Variants in SIMC1 observed in about 807,000 individuals in gnomAD.
SIMC1 encodes the protein SUMO-interacting motif-containing protein 1.
SIMC1 carries 55 observed loss-of-function variants against 82.3 expected under a neutral mutation model. That is an observed-to-expected ratio of 0.67 (90% confidence interval 0.54 to 0.84). The LOEUF (loss-of-function observed/expected upper bound fraction) is 0.84. Among genes scored for constraint, SIMC1 ranks in the 40% least tolerant of loss-of-function variants. The pLI, the probability that SIMC1 is intolerant of heterozygous loss-of-function variation, is 0.00. For synonymous variants in SIMC1, 353 were observed against 426.3 expected (o/e 0.83, Z 2.12); for missense variants, 915 against 1,107.2 (o/e 0.83, Z 2.46).
intron 1 of SIMC1, among the ~76,000 whole-genome samples, chr5:176,287,680 TAAAA>T (rs1239181320): frequency 7.1e-6 from 1 of 140,998 alleles, no homozygotes; most frequent in Non-Finnish European, 1.6e-5. Flanking sequence ...AGCAAACACT[TAAAA>T]AAATAAAATA....
At chr5:176,303,409 C>T (rs2113304102) in intron 4 of SIMC1, among the ~76,000 whole-genome samples, 1 of 146,680 alleles carries the variant, frequency 6.8e-6, no homozygotes, top group Admixed American at 7.0e-5. Context: ...CTCACTACAA[C>T]CTCCGCCTCC....
intron 1 of SIMC1, among the ~76,000 whole-genome samples, chr5:176,285,001 C>T (rs1297145756): frequency 6.6e-6 from 1 of 152,092 alleles, no homozygotes; most frequent in East Asian, 1.9e-4. Context: ...GACGGATTCA[C>T]AGCCAAATTC....
rs1450599326 is a variant in SIMC1 at position 176,289,506 on chromosome 5, C to T, written c.130-148C>T. On this transcript the variant is annotated intron_variant, in intron 1 of 9. Transcript: ENST00000429602. The stretch of plus-strand genomic sequence containing the variant: ...ATAGAAATTGACAGCTTTGGCAATA[C>T]TATTGCTTATGTTACACAAGATGTG... 3.1e-5 allele frequency: 20 copies of T among 636,466 alleles called. 1 individual carries two copies. The South Asian group carries it at 4.0e-4, about 13-fold the overall frequency. The allele number at this position is 636,466 out of a possible 1,614,324, so 39.4% of individuals were successfully genotyped here.
At chr5:176,296,477 A>C (rs1763822626) in intron 4 of SIMC1, 157 bp downstream of exon 4, 1 of 1,070,428 alleles carries the variant, frequency 9.3e-7, no homozygotes, top group Admixed American at 2.6e-5. Flanking sequence ...CAGCCTGGGC[A>C]ACAAAATGAG....
rs1295478983 is a variant in SIMC1 at position 176,343,775 on chromosome 5, TTTTTGTTTTTTTG to T, written c.2414-1398_2414-1386del. 2.0e-5 allele frequency among the ~76,000 whole-genome samples: 3 copies of T among 150,600 alleles called. 1 individual carries two copies. Among genetic ancestry groups the T allele is most frequent in the African/African-American group, 7.5e-5 (3 of 40,126 alleles). On this transcript the variant is annotated intron_variant, in intron 9 of 9. Transcript: ENST00000429602. ...TTATCACACTCACGAAACTTTTCTT[TTTTTGTTTTTTTG>T]TTTTGTTTTGTTTTGTTTTTTTTGA...
chr5:176,323,536 A>G (rs2113372462), intron 6 of SIMC1, among the ~76,000 whole-genome samples: 1 of 152,328 alleles, frequency 6.6e-6, no homozygotes, highest in South Asian at 2.1e-4. Flanking sequence ...CTTTTTATAG[A>G]TGAGAACACT....
chr5:176,289,882 A>C lies in SIMC1; in HGVS notation c.358A>C (p.Thr120Pro), dbSNP rs761601948. ...EGHVDRSSQP[T>P]ARRIINSDPV... is the part of the protein sequence containing the mutation. Reference sequence around the variant, plus strand: ...GCACGTGGACAGAAGCTCTCAGCCTACAGCACGGAGAATCATTAACAGTGA... The same window carrying C: ...GCACGTGGACAGAAGCTCTCAGCCTCCAGCACGGAGAATCATTAACAGTGA... Residue 120 changes from threonine to proline, a missense_variant, in exon 2 of 10, where the codon ACA becomes CCA. By Grantham distance (38) the Thr-to-Pro change is conservative. Coordinates refer to ENST00000429602, the MANE Select transcript of SIMC1 (RefSeq NM_001308195.2). 6.2e-7 allele frequency: 1 copy of C among 1,613,920 alleles called. No individual in the cohort carries two copies. Among genetic ancestry groups the C allele is most frequent in the Admixed American group, 1.7e-5 (1 of 60,018 alleles).
At chr5:176,310,023 G>A (rs1235553044) in intron 4 of SIMC1, among the ~76,000 whole-genome samples, 2 of 152,140 alleles carry the variant, frequency 1.3e-5, no homozygotes, top group Non-Finnish European at 2.9e-5. Context: ...TCACTGAAGA[G>A]GATCTATAGA....
At chr5:176,295,289 G>A in intron 3 of SIMC1, 27 bp downstream of exon 3, 2 of 1,585,288 alleles carry the variant, frequency 1.3e-6, no homozygotes, top group Non-Finnish European at 1.7e-6. Flanking sequence ...CTGGCTGTTG[G>A]CGAATCTTCT....
chr5:176,269,589 A>G (rs1162483650), intron 1 of SIMC1, among the ~76,000 whole-genome samples: 15 of 152,258 alleles, frequency 9.9e-5, no homozygotes, highest in Admixed American at 9.2e-4. Context: ...AATTTCACCA[A>G]ACATTTAAGA....
At chr5:176,285,486 C>T (rs1763228336) in intron 1 of SIMC1, among the ~76,000 whole-genome samples, 2 of 152,144 alleles carry the variant, frequency 1.3e-5, no homozygotes, top group East Asian at 1.9e-4. Context: ...TGGGACGTAT[C>T]TCAAAATAAT....
intron 4 of SIMC1, among the ~76,000 whole-genome samples, chr5:176,298,204 C>G (rs1364910243): frequency 6.6e-6 from 1 of 152,232 alleles, no homozygotes; most frequent in African/African-American, 2.4e-5. Context: ...ATGTCCCTCT[C>G]CCTCCCCAGC....
intron 3 of SIMC1, 189 bp from the exon 4 acceptor site, chr5:176,296,062 G>C: frequency 9.5e-7 from 1 of 1,047,556 alleles, no homozygotes. Context: ...AAGGGGACTG[G>C]ATACTGGGTA....
In SIMC1 at chr5:176,290,496, G is replaced by A. The variant is rs535856797; in HGVS notation, c.972G>A (p.Pro324=). The A allele has an allele frequency of 5.5e-5, 88 of 1,613,912 alleles. No individual in the cohort carries two copies. The highest frequency in any genetic ancestry group is 8.9e-5 in the East Asian group (4 of 44,874). ...CACAGTCACCAAGTGATGTTTCACC[G>A]TCACCAGATGCACCACAGTCACCAG... ...DVPQSPSDVS[P]SPDAPQSPGG... is the part of the protein sequence containing the mutation. The change falls in exon 2 of 10, where the codon CCG becomes CCA. Residue 324 remains proline (P), a synonymous_variant. Coordinates refer to ENST00000429602, the MANE Select transcript of SIMC1 (RefSeq NM_001308195.2).
At chr5:176,277,061 C>A (rs1438587094) in intron 1 of SIMC1, among the ~76,000 whole-genome samples, 6 of 151,658 alleles carry the variant, frequency 4.0e-5, no homozygotes, top group Admixed American at 3.9e-4. Flanking sequence ...TACAGTCCCA[C>A]CAACAGTGTA....
chr5:176,331,350 A>T (rs1316452389), intron 7 of SIMC1, among the ~76,000 whole-genome samples: 1 of 143,600 alleles, frequency 7.0e-6, no homozygotes, highest in Non-Finnish European at 1.5e-5. Flanking sequence ...AGCCTGGGCG[A>T]CAGAGCGAGA....
intron 1 of SIMC1, among the ~76,000 whole-genome samples, chr5:176,285,166 C>T (rs1405183348): frequency 6.6e-5 from 10 of 152,124 alleles, no homozygotes; most frequent in Admixed American, 2.0e-4. Flanking sequence ...ATACCAAAGC[C>T]GGGCAGAGAC....
chr5:176,242,750 G>T (rs539415035), intron 1 of SIMC1, among the ~76,000 whole-genome samples: 118 of 152,064 alleles, frequency 7.8e-4, no homozygotes, highest in Non-Finnish European at 1.4e-3. Context: ...CCTAGGTATT[G>T]TTACATTATT....
intron 1 of SIMC1, among the ~76,000 whole-genome samples, chr5:176,265,353 C>T (rs1762164038): frequency 6.6e-6 from 1 of 152,176 alleles, no homozygotes; most frequent in African/African-American, 2.4e-5. Context: ...ACAGAAGTCT[C>T]CAAAGAGTAA....
Sources: gnomAD v4.1 joint callset for allele counts (sites outside exome capture counted in the v4.1 genomes callset) on GRCh38, gnomAD v4.1.1 for gene constraint, MANE v1.5 for transcripts, NCBI Gene and HGNC (gene_info 2026-07-23, HGNC 2026-07-21) for gene names.